The following SPATA16 variants were observed in gnomAD, a reference collection of about 807,000 sequenced individuals.
The protein encoded by SPATA16 is spermatogenesis associated 16, also known as spermatogenesis-associated protein 16.
In SPATA16, 36 loss-of-function variants were observed where a neutral mutation model predicts 63.3. That is an observed-to-expected ratio of 0.57 (90% CI 0.44 to 0.75). The LOEUF is 0.75. Ranked by LOEUF, SPATA16 falls within the 30% of genes least tolerant of loss-of-function variation. SPATA16 has a pLI of 0.00. For missense variants in SPATA16, 646 were observed against 679.3 expected (o/e 0.95, Z 0.54); for synonymous variants, 203 against 216.7 (o/e 0.94, Z 0.56).
At chr3:173,087,740 T>G (rs2108317002) in intron 2 of SPATA16, among the ~76,000 whole-genome samples, 1 of 152,298 alleles carries the variant, frequency 6.6e-6, no homozygotes, top group South Asian at 2.1e-4. Context: ...TTCCTCAGCA[T>G]TTGCTTGTCT....
At chr3:173,076,589 A>T (rs1736809158) in intron 2 of SPATA16, among the ~76,000 whole-genome samples, 1 of 152,126 alleles carries the variant, frequency 6.6e-6, no homozygotes, top group Non-Finnish European at 1.5e-5. Context: ...AGTCTAAAAA[A>T]ATTATTTTAA....
At chr3:172,975,639 G>T (rs1277877545) in intron 5 of SPATA16, among the ~76,000 whole-genome samples, 2 of 152,040 alleles carry the variant, frequency 1.3e-5, no homozygotes, top group African/African-American at 4.8e-5. Context: ...ATCTTAGGAA[G>T]GTCTTAAAAT....
At chr3:173,012,834 A>G (rs1224184063) in intron 4 of SPATA16, among the ~76,000 whole-genome samples, 2 of 152,216 alleles carry the variant, frequency 1.3e-5, no homozygotes, top group Admixed American at 1.3e-4. Flanking sequence ...CTTGGAAGAA[A>G]ACCTAGGATA....
chr3:173,009,984 A>C (rs1377857999), intron 4 of SPATA16, among the ~76,000 whole-genome samples: 1 of 151,902 alleles, frequency 6.6e-6, no homozygotes, highest in Non-Finnish European at 1.5e-5. Flanking sequence ...GGAGGGAACC[A>C]CTCCAAGTGA....
intron 2 of SPATA16, among the ~76,000 whole-genome samples, chr3:173,081,747 C>T (rs953189148): frequency 2.0e-5 from 3 of 152,080 alleles, no homozygotes; most frequent in African/African-American, 7.2e-5. Flanking sequence ...AATTAACATC[C>T]GCCAAAATGA....
At chr3:173,073,075 A>G (rs942670136) in intron 2 of SPATA16, among the ~76,000 whole-genome samples, 6 of 152,194 alleles carry the variant, frequency 3.9e-5, no homozygotes, top group Admixed American at 1.3e-4. Context: ...CTCCAGAGAT[A>G]TGTGGAACTT....
Position 173,120,561 on chromosome 3 carries a change from T to C in SPATA16, c.-18-2812A>G, listed in dbSNP as rs1215628402. Reference sequence around the variant, plus strand: ...AATGTACCAGAATATCTGTAGTTGATTGTCATTAGTAACATTTTTAGCATC... The same window carrying C: ...AATGTACCAGAATATCTGTAGTTGACTGTCATTAGTAACATTTTTAGCATC... On this transcript the variant is annotated intron_variant, in intron 1 of 10. Transcript: ENST00000351008. 2.6e-5 allele frequency among the ~76,000 whole-genome samples: 4 copies of C among 152,322 alleles called. 1 individual carries two copies. The East Asian group carries it at 7.7e-4, about 29-fold the overall frequency.
intron 7 of SPATA16, 111 bp downstream of exon 7, chr3:172,925,235 C>T: frequency 8.1e-7 from 1 of 1,238,406 alleles, no homozygotes. Context: ...GTATTGTTAA[C>T]TAACCCACAA....
intron 2 of SPATA16, among the ~76,000 whole-genome samples, chr3:173,075,442 G>C (rs1736776571): frequency 6.6e-6 from 1 of 152,096 alleles, no homozygotes; most frequent in Non-Finnish European, 1.5e-5. Context: ...ATACCTAATA[G>C]AAAGGAAATC....
In SPATA16 at chr3:172,961,070, CTTCCT is replaced by C. The variant is rs1560080350; in HGVS notation, c.934-4251_934-4247del. ...TTTCTTCTTTCTTTCTTTCTTCTTT[CTTCCT>C]TCCTTCCTTCCTTCCTTCCTTCCTT... is the stretch of plus-strand genomic sequence containing the variant. On this transcript the variant is annotated intron_variant, in intron 5 of 10. Transcript: ENST00000351008. Among the ~76,000 whole-genome samples the C allele has an allele frequency of 6.6e-4, 17 of 25,628 alleles. 2 individuals carry two copies. The highest frequency in any genetic ancestry group is 2.4e-3 in the African/African-American group (15 of 6,282). The allele number at this position is 25,628 out of a possible 152,430, so 16.8% of individuals were successfully genotyped here. A position where few individuals can be genotyped will look rare whatever the true frequency, so the allele number is the denominator to read the frequency against.
chr3:173,068,819 A>AAG (rs1736589679), intron 2 of SPATA16, among the ~76,000 whole-genome samples: 1 of 151,478 alleles, frequency 6.6e-6, no homozygotes, highest in African/African-American at 2.4e-5. Context: ...AAATTAGTAA[A>AAG]AAAAAAAAAG....
intron 2 of SPATA16, among the ~76,000 whole-genome samples, chr3:173,069,343 A>G (rs771154388): frequency 2.5e-5 from 3 of 121,166 alleles, no homozygotes; most frequent in Non-Finnish European, 4.9e-5. Flanking sequence ...ATCATTAGAG[A>G]CTATATGAGC....
rs368633894 is a variant in SPATA16 at position 172,975,900 on chromosome 3, A to G, written c.933+1068T>C. Among the ~76,000 whole-genome samples the G allele has an allele frequency of 1.1e-4, 17 of 152,192 alleles. 3 individuals carry two copies. The highest frequency in any genetic ancestry group is 3.3e-4 in the Admixed American group (5 of 15,284). The stretch of plus-strand genomic sequence containing the variant: ...TAGAGAGACAAAAAACTAGGGTCCA[A>G]GACATGGTAGTGAAAATGTGGGGGG... On this transcript the variant is annotated intron_variant, in intron 5 of 10. Coordinates refer to ENST00000351008, the MANE Select transcript of SPATA16 (RefSeq NM_031955.6).
rs1280211853 is a variant in SPATA16, at chr3:172,916,360, G to A, written c.1460C>T (p.Thr487Ile). Residue 487 changes from threonine (T) to isoleucine (I), a missense_variant, in exon 9 of 11, where the codon ACC (threonine) becomes ATC (isoleucine). Transcript: ENST00000351008. ...VINQAMAELATIPYLQDISQQ... is the reference protein window; with the variant it reads ...VINQAMAELAIIPYLQDISQQ... Reference sequence around the variant, plus strand: ...ACTGATGTCCTGTAGGTAGGGAATGGTTGCTAGCTCTGCCATTGCTTGATT... The same window carrying A: ...ACTGATGTCCTGTAGGTAGGGAATGATTGCTAGCTCTGCCATTGCTTGATT... 4 of 1,613,608 alleles carry A rather than the reference G, an allele frequency of 2.5e-6. No individual in the cohort carries two copies. The highest frequency in any genetic ancestry group is 3.4e-6 in the Non-Finnish European group (4 of 1,179,750).
At chr3:172,934,880 T>G (rs1434474373) in intron 6 of SPATA16, among the ~76,000 whole-genome samples, 1 of 152,192 alleles carries the variant, frequency 6.6e-6, no homozygotes, top group Admixed American at 6.5e-5. Flanking sequence ...GTAGTTAGTT[T>G]GGTTGTGATG....
chr3:172,921,856 T>G (rs1180784850), intron 8 of SPATA16, among the ~76,000 whole-genome samples: 1 of 152,222 alleles, frequency 6.6e-6, no homozygotes, highest in Non-Finnish European at 1.5e-5. Context: ...GTTAAGTGAC[T>G]TGCCCTAGGG....
intron 2 of SPATA16, among the ~76,000 whole-genome samples, chr3:173,069,139 T>G (rs985062024): frequency 7.2e-6 from 1 of 138,998 alleles, no homozygotes. Flanking sequence ...AAGAAAGAAA[T>G]ACAGTTCATA....
intron 4 of SPATA16, among the ~76,000 whole-genome samples, chr3:172,986,640 A>G (rs1346713867): frequency 6.6e-6 from 1 of 152,016 alleles, no homozygotes; most frequent in Non-Finnish European, 1.5e-5. Flanking sequence ...AGAGCAGGAA[A>G]CTCCAAAAGT....
At chr3:173,040,867 G>A (rs949959757) in intron 3 of SPATA16, among the ~76,000 whole-genome samples, 1 of 152,088 alleles carries the variant, frequency 6.6e-6, no homozygotes, top group Non-Finnish European at 1.5e-5. Context: ...TTCAATGAAT[G>A]CTTGTCCTTG....
Sources: gnomAD v4.1 joint callset for allele counts (sites outside exome capture counted in the v4.1 genomes callset) on GRCh38, gnomAD v4.1.1 for gene constraint, MANE v1.5 for transcripts, NCBI Gene and HGNC (gene_info 2026-07-23, HGNC 2026-07-21) for gene names.